The following AGBL4 variants were observed in gnomAD, a reference collection of about 807,000 sequenced individuals.
The protein encoded by AGBL4 is AGBL carboxypeptidase 4, also known as cytosolic carboxypeptidase 6.
A neutral mutation model predicts 66.4 loss-of-function variants in AGBL4; 58 were observed. That is an observed-to-expected ratio of 0.87 (90% CI 0.71 to 1.09). The LOEUF (loss-of-function observed/expected upper bound fraction) is 1.09. Ranked by LOEUF, AGBL4 falls within the 50% of genes least tolerant of loss-of-function variation. The pLI, the probability that AGBL4 is intolerant of heterozygous loss-of-function variation, is 0.00. For missense variants in AGBL4, 579 were observed against 631.0 expected (o/e 0.92, Z 0.88); for synonymous variants, 234 against 222.9 (o/e 1.05, Z -0.44).
chr1:48,934,502 G>A (rs1481090896), intron 5 of AGBL4, among the ~76,000 whole-genome samples: 7 of 152,112 alleles, frequency 4.6e-5, no homozygotes, highest in Admixed American at 2.6e-4. Context: ...TTTCTGTTCA[G>A]CTTCAGACCC....
chr1:49,197,359 C>G (rs929815527), intron 4 of AGBL4, among the ~76,000 whole-genome samples: 3 of 152,190 alleles, frequency 2.0e-5, no homozygotes, highest in Non-Finnish European at 4.4e-5. Flanking sequence ...AGAAACTTAT[C>G]TCTTTCCCAA....
intron 1 of AGBL4, among the ~76,000 whole-genome samples, chr1:49,913,257 A>G (rs976430813): frequency 2.0e-5 from 3 of 152,232 alleles, no homozygotes; most frequent in African/African-American, 7.2e-5. Flanking sequence ...CAAGTTATCT[A>G]CTTACAAAAT....
rs377667447 is a variant in AGBL4 at position 49,705,459 on chromosome 1, A to G, written c.158-8022T>C. 3.3e-5 allele frequency among the ~76,000 whole-genome samples: 5 copies of G among 152,120 alleles called. No homozygotes were observed. The East Asian group carries it at 7.7e-4, about 24-fold the overall frequency. The stretch of plus-strand genomic sequence containing the variant: ...CCCTAGCCAGATGAGGGGATTTTCT[A>G]AATATACAGCCATGTCATCTGCAAA... On this transcript the variant is annotated intron_variant, in intron 2 of 13. Transcript: ENST00000371839.
At chr1:49,484,810 T>TGATGTGATTGTTACAC (rs1553211196) in intron 3 of AGBL4, among the ~76,000 whole-genome samples, 1 of 152,076 alleles carries the variant, frequency 6.6e-6, no homozygotes, top group African/African-American at 2.4e-5. Context: ...TCATTCTTCA[T>TGATGTGATTGTTACAC]GATGTGATTG....
chr1:49,866,412 C>T (rs1169302610), intron 1 of AGBL4, among the ~76,000 whole-genome samples: 3 of 152,178 alleles, frequency 2.0e-5, no homozygotes, highest in African/African-American at 7.2e-5. Flanking sequence ...AAGCAGACCT[C>T]TCAGCAGAAA....
At chr1:49,284,356 A>T (rs1396267911) in intron 3 of AGBL4, among the ~76,000 whole-genome samples, 1 of 152,218 alleles carries the variant, frequency 6.6e-6, no homozygotes, top group Non-Finnish European at 1.5e-5. Context: ...CTTCCCTAAA[A>T]GAGCTCCTGA....
intron 11 of AGBL4, among the ~76,000 whole-genome samples, chr1:48,582,031 A>G (rs949804910): frequency 1.3e-5 from 2 of 151,962 alleles, no homozygotes; most frequent in African/African-American, 2.4e-5. Context: ...CAAAAAATGA[A>G]CTCTGCATAT....
At chr1:48,998,306 T>C (rs777548840) in intron 5 of AGBL4, among the ~76,000 whole-genome samples, 3 of 152,134 alleles carry the variant, frequency 2.0e-5, no homozygotes, top group Non-Finnish European at 4.4e-5. Context: ...TTTTGAAACA[T>C]GCCACAAAAA....
chr1:49,948,369 T>A (rs1205964658), intron 1 of AGBL4, among the ~76,000 whole-genome samples: 1 of 101,480 alleles, frequency 9.9e-6, no homozygotes, highest in Non-Finnish European at 1.9e-5. Flanking sequence ...TATAAATACA[T>A]AAAATATATA....
At chr1:49,063,237 A>G (rs939072822) in intron 4 of AGBL4, among the ~76,000 whole-genome samples, 1 of 152,208 alleles carries the variant, frequency 6.6e-6, no homozygotes, top group African/African-American at 2.4e-5. Flanking sequence ...ATAGAGATAG[A>G]GAACTTTAAG....
chr1:49,812,217 T>C (rs983520880), intron 2 of AGBL4, among the ~76,000 whole-genome samples: 16 of 152,102 alleles, frequency 1.1e-4, no homozygotes, highest in Non-Finnish European at 2.4e-4. Flanking sequence ...ATATAATCAT[T>C]CCCCCTCTGG....
intron 1 of AGBL4, among the ~76,000 whole-genome samples, chr1:49,958,482 G>A (rs975274685): frequency 2.0e-5 from 3 of 151,848 alleles, no homozygotes; most frequent in African/African-American, 7.3e-5. Flanking sequence ...AAGAAAATGT[G>A]GCACATATAC....
chr1:49,979,776 CA>C (rs1658909620), intron 1 of AGBL4, among the ~76,000 whole-genome samples: 1 of 152,118 alleles, frequency 6.6e-6, no homozygotes, highest in African/African-American at 2.4e-5. Flanking sequence ...CTTTGAATAA[CA>C]ACACAGGACC....
intron 4 of AGBL4, among the ~76,000 whole-genome samples, chr1:49,100,410 C>T (rs928070573): frequency 1.3e-5 from 2 of 152,164 alleles, no homozygotes; most frequent in Non-Finnish European, 2.9e-5. Flanking sequence ...GGCTGTCTGC[C>T]GAGTACACTC....
At chr1:48,602,236 C>CA (rs1292930024) in intron 9 of AGBL4, among the ~76,000 whole-genome samples, 3 of 152,132 alleles carry the variant, frequency 2.0e-5, no homozygotes, top group African/African-American at 7.2e-5. Flanking sequence ...CTAGGAAACT[C>CA]ATCTTGGCTC....
At chr1:49,282,990 T>C (rs1365706128) in intron 3 of AGBL4, among the ~76,000 whole-genome samples, 3 of 152,146 alleles carry the variant, frequency 2.0e-5, no homozygotes, top group Non-Finnish European at 4.4e-5. Context: ...ACAAACCAGC[T>C]GGGAAGCTGG....
chr1:48,547,009 A>T (rs1033898325), intron 11 of AGBL4, among the ~76,000 whole-genome samples: 1 of 152,030 alleles, frequency 6.6e-6, no homozygotes, highest in Non-Finnish European at 1.5e-5. Context: ...ACTGAGAGTG[A>T]GCAGTGACTG....
intron 3 of AGBL4, among the ~76,000 whole-genome samples, chr1:49,332,584 G>T (rs1645356487): frequency 1.3e-5 from 2 of 152,086 alleles, no homozygotes; most frequent in African/African-American, 4.8e-5. Flanking sequence ...CACTAGTATA[G>T]GATATTCTCA....
At chr1:48,685,707 A>G (rs1300124257) in intron 6 of AGBL4, among the ~76,000 whole-genome samples, 2 of 152,224 alleles carry the variant, frequency 1.3e-5, no homozygotes, top group African/African-American at 4.8e-5. Context: ...GGCCTGGCAT[A>G]TGGGAAACTC....
Sources: allele counts gnomAD v4.1 joint callset (sites outside exome capture counted in the v4.1 genomes callset), GRCh38; gene constraint gnomAD v4.1.1; transcripts MANE v1.5; gene names NCBI Gene and HGNC (gene_info 2026-07-23, HGNC 2026-07-21).